The following PHKG2 variants were observed in gnomAD, a reference collection of about 807,000 sequenced individuals.
PHKG2 encodes phosphorylase b kinase gamma catalytic chain, liver/testis isoform.
In PHKG2, 28 loss-of-function variants were observed where a neutral mutation model predicts 44.5. The observed-to-expected ratio is 0.63, with a 90% CI of 0.47 to 0.86. PHKG2 has a LOEUF of 0.86. Ranked by LOEUF, PHKG2 falls within the 40% of genes least tolerant of loss-of-function variation. The pLI, the probability that PHKG2 is intolerant of heterozygous loss-of-function variation, is 0.00. For missense variants in PHKG2, 498 were observed against 547.5 expected, an observed-to-expected ratio of 0.91 and a Z score of 0.90; for synonymous variants, 220 against 211.2, an observed-to-expected ratio of 1.04 and a Z score of -0.36.
rs2053337301 is a variant in PHKG2, at chr16:30,751,090, T to C, written c.96-16T>C. 1 of 1,612,710 alleles carries C rather than the reference T, an allele frequency of 6.2e-7. No individual in the cohort carries two copies. The highest frequency in any genetic ancestry group is 1.7e-5 in the Admixed American group (1 of 60,012). The stretch of plus-strand genomic sequence containing the variant: ...GCACAGAGGCCCTGACTTGTGCTAT[T>C]TTCCGGCTCTTGCAGAGGAGTGAGC... On this transcript the variant is annotated splice_polypyrimidine_tract_variant and intron_variant, in intron 2 of 9. Transcript: ENST00000563588.
At chr16:30,750,365 C>T (rs2053328416) in intron 2 of PHKG2, among the ~76,000 whole-genome samples, 1 of 152,182 alleles carries the variant, frequency 6.6e-6, no homozygotes, top group African/African-American at 2.4e-5. Flanking sequence ...GAGAGCATAA[C>T]AGTAAGGCTC....
In PHKG2 at chr16:30,760,778, T is replaced by A; in HGVS notation, c.*3681T>A. 1.1e-6 allele frequency: 1 copy of A among 939,804 alleles called. No homozygotes were observed. The highest frequency in any genetic ancestry group is 1.7e-6 in the Non-Finnish European group (1 of 597,542). 58.2% of individuals were successfully genotyped at this position (939,804 alleles called of 1,614,324 possible). On this transcript the variant is annotated 3_prime_UTR_variant, in exon 10 of 10. Coordinates refer to ENST00000563588, the MANE Select transcript of PHKG2 (RefSeq NM_000294.3). ...GGCCACCGGCGTGAAGCTGGGCTCT[T>A]TTGCCAGCTTGCTGTGTGACTATGC...
At chr16:30,754,798 T>G in intron 6 of PHKG2, 1 of 450,670 alleles carries the variant, frequency 2.2e-6, no homozygotes, top group South Asian at 1.6e-5. Context: ...GCAGCTTAGG[T>G]CCCCTTGCTT....
chr16:30,755,080 A>G (rs1031726830), intron 6 of PHKG2: 5 of 365,402 alleles, frequency 1.4e-5, no homozygotes, highest in African/African-American at 1.1e-4. Flanking sequence ...AGAACAAACT[A>G]AAAATACAGA....
chr16:30,755,927 C>T (rs1454367540), intron 6 of PHKG2, among the ~76,000 whole-genome samples: 2 of 152,022 alleles, frequency 1.3e-5, no homozygotes, highest in African/African-American at 4.8e-5. Flanking sequence ...TTGGAGGAGG[C>T]AAATGATATG....
chr16:30,750,473 G>A (rs2053329896), intron 2 of PHKG2, among the ~76,000 whole-genome samples: 1 of 152,220 alleles, frequency 6.6e-6, no homozygotes, highest in Non-Finnish European at 1.5e-5. Flanking sequence ...AGGGTCATAT[G>A]GAGTTGGTGA....
At chr16:30,752,817 T>A (rs2053369191) in intron 4 of PHKG2, 1 of 312,590 alleles carries the variant, frequency 3.2e-6, no homozygotes, top group African/African-American at 2.2e-5. Context: ...GTATTATTTT[T>A]AATTGACACA....
chr16:30,755,162 A>G, intron 6 of PHKG2: 1 of 307,066 alleles, frequency 3.3e-6, no homozygotes, highest in South Asian at 2.7e-5. Flanking sequence ...GGCTCACTTG[A>G]GCCTAGGAGC....
At chr16:30,751,358 C>A in intron 3 of PHKG2, 77 bp downstream of exon 3, 1 of 1,490,228 alleles carries the variant, frequency 6.7e-7, no homozygotes, top group Non-Finnish European at 9.3e-7. Flanking sequence ...CCACTTCCGC[C>A]AACATTGCCT....
chr16:30,751,807 C>G (rs944518545), intron 4 of PHKG2: 2 of 655,764 alleles, frequency 3.0e-6, no homozygotes, highest in Non-Finnish European at 5.6e-6. Flanking sequence ...TTAATAGTGA[C>G]TAGTGGCTGG....
At chr16:30,755,453 G>A (rs1049914749) in intron 6 of PHKG2, among the ~76,000 whole-genome samples, 2 of 152,000 alleles carry the variant, frequency 1.3e-5, no homozygotes, top group African/African-American at 2.4e-5. Flanking sequence ...CGAGGTGGGC[G>A]GATCACGAGT....
chr16:30,751,485 C>T, intron 3 of PHKG2, 64 bp from the exon 4 acceptor site: 1 of 1,490,354 alleles, frequency 6.7e-7, no homozygotes, highest in East Asian at 2.3e-5. Flanking sequence ...GGTGGCCAAG[C>T]CCCGTTAATG....
In PHKG2 at chr16:30,759,059, G is replaced by C; in HGVS notation, c.*1962G>C. The C allele has an allele frequency of 6.2e-7, 1 of 1,614,152 alleles. No individual in the cohort carries two copies. The highest frequency in any genetic ancestry group is 8.5e-7 in the Non-Finnish European group (1 of 1,180,014). ...CACTGTCTCTAGTTCCTCTTTCTGC[G>C]GGGTAACTGCCTGCTCCTCCATCTC... On this transcript the variant is annotated 3_prime_UTR_variant, in exon 10 of 10. Transcript: ENST00000563588.
chr16:30,759,401 A>G lies in PHKG2; in HGVS notation c.*2304A>G. ...TGGCGGAAGTAAGTGTTGACCACGT[A>G]GTCTTCCAAGGCCAGCAGCTGTTCC... On this transcript the variant is annotated 3_prime_UTR_variant, in exon 10 of 10. Transcript: ENST00000563588. 6.2e-7 allele frequency: 1 copy of G among 1,614,240 alleles called. No homozygotes were observed. Among genetic ancestry groups the G allele is most frequent in the Non-Finnish European group, 8.5e-7 (1 of 1,180,040 alleles).
At position 30,756,429 on chromosome 16, in the gene PHKG2, G is replaced by T; in HGVS notation, c.710G>T (p.Arg237Leu). 7.4e-6 allele frequency: 12 copies of T among 1,613,914 alleles called. No homozygotes were observed. Among genetic ancestry groups the T allele is most frequent in the Non-Finnish European group, 1.0e-5 (12 of 1,180,016 alleles). Residue 237 changes from arginine (R) to leucine (L), a missense_variant, in exon 8 of 10, where the codon CGG becomes CTG. Coordinates refer to ENST00000563588, the MANE Select transcript of PHKG2 (RefSeq NM_000294.3). ...LAGSPPFWHRRQILMLRMIME... is the reference protein window; with the variant it reads ...LAGSPPFWHRLQILMLRMIME... The stretch of plus-strand genomic sequence containing the variant: ...GGCTCGCCACCCTTCTGGCACCGGC[G>T]GCAGATCCTGATGTTACGCATGATC...
intron 2 of PHKG2, among the ~76,000 whole-genome samples, chr16:30,749,200 TGGTG>T (rs2053309311): frequency 6.5e-5 from 2 of 30,992 alleles, no homozygotes; most frequent in Admixed American, 4.7e-4. Context: ...GTGGTGCTGG[TGGTG>T]GTGTGTGTGT....
rs2053379091 is a variant in PHKG2 at position 30,753,542 on chromosome 16, G to C, written c.541G>C (p.Gly181Arg). 6.2e-7 allele frequency: 1 copy of C among 1,614,148 alleles called. No homozygotes were observed. The highest frequency in any genetic ancestry group is 2.2e-5 in the East Asian group (1 of 44,884). Residue 181 changes from glycine (G) to arginine (R), a missense_variant, in exon 6 of 10, where the codon GGC becomes CGC. By Grantham distance (125) the Gly-to-Arg change is moderately radical. Transcript: ENST00000563588. ...DFGFSCHLEP[G>R]EKLRELCGTP... ...CGGGTTCTCCTGCCACTTGGAACCT[G>C]GCGAGAAGCTTCGAGGTGAGGGGAT... is the stretch of plus-strand genomic sequence containing the variant.
At chr16:30,753,954 G>C (rs2053384250) in intron 6 of PHKG2, among the ~76,000 whole-genome samples, 2 of 152,196 alleles carry the variant, frequency 1.3e-5, no homozygotes, top group Non-Finnish European at 2.9e-5. Context: ...CCTGGGCCCT[G>C]GGCCTCAGGT....
At position 30,757,715 on chromosome 16, in the gene PHKG2, G is replaced by A; in HGVS notation, c.*618G>A. The stretch of plus-strand genomic sequence containing the variant: ...AGATGCTGTCTGGCAATGGGGGGAT[G>A]GTCCCTAGTTGGGCAAACAGTCCCC... On this transcript the variant is annotated 3_prime_UTR_variant, in exon 10 of 10. Transcript: ENST00000563588. 1 of 1,537,938 alleles carries A rather than the reference G, an allele frequency of 6.5e-7. No individual in the cohort carries two copies. Among genetic ancestry groups the A allele is most frequent in the Non-Finnish European group, 8.8e-7 (1 of 1,142,716 alleles).
Sources: allele counts gnomAD v4.1 joint callset (sites outside exome capture counted in the v4.1 genomes callset), GRCh38; gene constraint gnomAD v4.1.1; transcripts MANE v1.5; gene names NCBI Gene and HGNC (gene_info 2026-07-23, HGNC 2026-07-21).